The following GOLGA4 variants were observed in gnomAD, a reference collection of about 807,000 sequenced individuals.
GOLGA4 encodes golgin subfamily A member 4.
In GOLGA4, 169 loss-of-function variants were observed where a neutral mutation model predicts 265.9. That is an observed-to-expected ratio of 0.64 (90% CI 0.56 to 0.72). GOLGA4 has a LOEUF of 0.72. Among genes scored for constraint, GOLGA4 ranks in the 30% least tolerant of loss-of-function variants. The pLI is 0.00. For synonymous variants in GOLGA4, 923 were observed against 855.8 expected (o/e 1.08, Z -1.37); for missense variants, 2,482 against 2,483.4 (o/e 1.00, Z 0.01).
chr3:37,313,589 G>A (rs1265577425), intron 10 of GOLGA4: 3 of 152,118 alleles, frequency 2.0e-5, no homozygotes, highest in Admixed American at 2.0e-4. Context: ...AGGGAAGGCT[G>A]GAGACTTCTG....
chr3:37,366,113 A>G lies in GOLGA4; in HGVS notation c.*67A>G. 7.2e-6 allele frequency: 11 copies of G among 1,520,784 alleles called. No homozygotes were observed. The highest frequency in any genetic ancestry group is 9.7e-6 in the Non-Finnish European group (11 of 1,137,130). The allele number at this position is 1,520,784 out of a possible 1,614,324, so 94.2% of individuals were successfully genotyped here. ...CCGATCTTCATCTTGAAGAAGAGTG[A>G]CATTGGGTGACTGCTGCTTGGAAAA... On this transcript the variant is annotated 3_prime_UTR_variant, in exon 24 of 24. Transcript: ENST00000361924.
intron 10 of GOLGA4, among the ~76,000 whole-genome samples, chr3:37,312,976 C>T (rs563447921): frequency 1.8e-4 from 28 of 152,156 alleles, no homozygotes; most frequent in African/African-American, 3.6e-4. Flanking sequence ...GAGGCCAGCG[C>T]GACGGATCAC....
At chr3:37,357,454 T>C (rs1411918356) in intron 22 of GOLGA4, among the ~76,000 whole-genome samples, 2 of 152,120 alleles carry the variant, frequency 1.3e-5, no homozygotes, top group African/African-American at 2.4e-5. Flanking sequence ...TAAAAAGATA[T>C]GCTTAAGTAA....
chr3:37,272,091 A>G (rs1559367194), intron 2 of GOLGA4, among the ~76,000 whole-genome samples: 3 of 152,176 alleles, frequency 2.0e-5, no homozygotes, highest in Non-Finnish European at 1.5e-5. Flanking sequence ...TGGTGAGTTG[A>G]ATAATTATTT....
chr3:37,299,475 T>A, intron 9 of GOLGA4, 104 bp downstream of exon 9: 1 of 670,524 alleles, frequency 1.5e-6, no homozygotes, highest in Non-Finnish European at 2.5e-6. Flanking sequence ...TTCTAAAAAT[T>A]ATTGCAGCTT....
intron 1 of GOLGA4, among the ~76,000 whole-genome samples, chr3:37,248,709 T>A (rs1208797770): frequency 6.6e-6 from 1 of 152,102 alleles, no homozygotes. Context: ...TGTTAAACTT[T>A]GTAAACCCCG....
At chr3:37,317,379 A>G (rs1351861971) in intron 11 of GOLGA4, among the ~76,000 whole-genome samples, 2 of 152,178 alleles carry the variant, frequency 1.3e-5, no homozygotes, top group Non-Finnish European at 2.9e-5. Flanking sequence ...CATGTTGGCC[A>G]GGCTGGTCTT....
chr3:37,275,215 C>CAAAAAAAA (rs749758741), intron 2 of GOLGA4, among the ~76,000 whole-genome samples: 10 of 44,964 alleles, frequency 2.2e-4, no homozygotes, highest in Non-Finnish European at 2.6e-4. Context: ...GACTCCGTCT[C>CAAAAAAAA]AAAAAAAAAA....
intron 10 of GOLGA4, among the ~76,000 whole-genome samples, chr3:37,309,659 A>G (rs2096917844): frequency 6.6e-6 from 1 of 152,254 alleles, no homozygotes; most frequent in Non-Finnish European, 1.5e-5. Flanking sequence ...ATTTTCCAAA[A>G]TAAGGTTTAG....
chr3:37,336,174 T>C (rs1283637548), intron 17 of GOLGA4, among the ~76,000 whole-genome samples: 1 of 152,212 alleles, frequency 6.6e-6, no homozygotes, highest in Admixed American at 6.5e-5. Flanking sequence ...ATTTTCTGTT[T>C]CTTTAATAGC....
chr3:37,316,858 A>T (rs964173264), intron 11 of GOLGA4, among the ~76,000 whole-genome samples: 1 of 151,336 alleles, frequency 6.6e-6, no homozygotes, highest in Non-Finnish European at 1.5e-5. Context: ...ATGGTATCTG[A>T]ATTTTTTTTT....
chr3:37,343,472 T>C (rs1040892401), intron 20 of GOLGA4, among the ~76,000 whole-genome samples: 3 of 152,014 alleles, frequency 2.0e-5, no homozygotes, highest in African/African-American at 7.3e-5. Context: ...CACCTCGGCC[T>C]CCCAAAGTGC....
At chr3:37,361,096 T>C (rs1696224268) in intron 22 of GOLGA4, 147 bp from the exon 23 acceptor site, 1 of 618,024 alleles carries the variant, frequency 1.6e-6, no homozygotes. Flanking sequence ...TCCTTATTCC[T>C]TGCCTGTACA....
At chr3:37,365,077 T>C (rs996999293) in intron 23 of GOLGA4, among the ~76,000 whole-genome samples, 1 of 152,080 alleles carries the variant, frequency 6.6e-6, no homozygotes, top group African/African-American at 2.4e-5. Context: ...TTCTATTTTT[T>C]GTAGCAATGG....
chr3:37,280,199 A>T (rs944865648), intron 2 of GOLGA4, among the ~76,000 whole-genome samples: 3 of 152,144 alleles, frequency 2.0e-5, no homozygotes, highest in Non-Finnish European at 4.4e-5. Context: ...TGTCATATAT[A>T]TATATTTCTT....
At chr3:37,274,502 G>A (rs574971817) in intron 2 of GOLGA4, among the ~76,000 whole-genome samples, 20 of 152,040 alleles carry the variant, frequency 1.3e-4, no homozygotes, top group African/African-American at 4.1e-4. Context: ...GACCAGCCCA[G>A]CCAACATAGT....
In GOLGA4 at chr3:37,347,077, A is replaced by G. The variant is rs1021594302; in HGVS notation, c.6473-116A>G. On this transcript the variant is annotated intron_variant, in intron 20 of 23. Transcript: ENST00000361924. ...TGTGTATACAATGCAATATGATACA[A>G]TATAAAAGCATGCCTCTCTTTGTTC... is the stretch of plus-strand genomic sequence containing the variant. 6 of 584,874 alleles carry G rather than the reference A, an allele frequency of 1.0e-5. 1 individual carries two copies. The highest frequency in any genetic ancestry group is 9.8e-5 in the African/African-American group (3 of 30,674). 36.2% of individuals were successfully genotyped at this position (584,874 alleles called of 1,614,324 possible).
chr3:37,275,243 A>G (rs2096812624), intron 2 of GOLGA4, among the ~76,000 whole-genome samples: 5 of 134,948 alleles, frequency 3.7e-5, no homozygotes, highest in African/African-American at 1.1e-4. Flanking sequence ...AAAAAAAAAG[A>G]AAAAAAAAAC....
chr3:37,254,999 T>C (rs1263010277), intron 2 of GOLGA4, among the ~76,000 whole-genome samples: 1 of 150,626 alleles, frequency 6.6e-6, no homozygotes, highest in African/African-American at 2.4e-5. Flanking sequence ...ACAATAGCAT[T>C]TTAAATGTAT....
Sources: gnomAD v4.1 joint callset for allele counts (sites outside exome capture counted in the v4.1 genomes callset) on GRCh38, gnomAD v4.1.1 for gene constraint, MANE v1.5 for transcripts, NCBI Gene and HGNC (gene_info 2026-07-23, HGNC 2026-07-21) for gene names.